DCAF13: variants seen among roughly 807,000 people sequenced by gnomAD.
DCAF13 encodes the protein DDB1 and CUL4 associated factor 13.
DCAF13 carries 38 observed loss-of-function variants against 59.0 expected under a neutral mutation model. The ratio of observed to expected loss-of-function variants is 0.64; its 90% CI spans 0.50 to 0.84. The LOEUF is 0.84. DCAF13 is among the 40% of genes least tolerant of loss of function. The probability of loss-of-function intolerance (pLI) is 0.00; values close to 1 mark genes in which losing one functional copy is unlikely to be tolerated. For synonymous variants in DCAF13, 173 were observed against 175.0 expected, an observed-to-expected ratio of 0.99 and a Z score of 0.09; for missense variants, 469 against 558.4, an observed-to-expected ratio of 0.84 and a Z score of 1.61.
In DCAF13 at chr8:103,420,980, A is replaced by C. The variant is rs753328868; in HGVS notation, c.276A>C (p.Arg92Ser). 6.2e-7 allele frequency: 1 copy of C among 1,606,090 alleles called. No homozygotes were observed. The highest frequency in any genetic ancestry group is 8.5e-7 in the Non-Finnish European group (1 of 1,172,914). ...VLSGACDGEV[R>S]IWNLTQRNCI... ...CCTGGTATGCCTTATCATAGGTTAG[A>C]ATTTGGAATCTAACTCAGCGGAATT... Residue 92 changes from arginine (R) to serine (S), a missense_variant, in exon 3 of 11, where the codon AGA becomes AGC. Around this residue, in one of 3 missense-constraint regions of DCAF13, gnomAD observed 355 missense variants for 399.1 expected, o/e 0.89. Coordinates refer to ENST00000612750, the MANE Select transcript of DCAF13 (RefSeq NM_015420.7).
At chr8:103,432,825 C>G in intron 7 of DCAF13, 84 bp downstream of exon 7, 4 of 819,416 alleles carry the variant, frequency 4.9e-6, no homozygotes, top group Non-Finnish European at 8.0e-6. Context: ...ATATATACCA[C>G]TAGGTAGGTA....
chr8:103,441,368 T>G, intron 9 of DCAF13, 87 bp from the exon 10 acceptor site: 1 of 1,285,756 alleles, frequency 7.8e-7, no homozygotes, highest in Non-Finnish European at 1.1e-6. Flanking sequence ...AAAGATTAGG[T>G]TAGGGGGAAA....
intron 5 of DCAF13, chr8:103,428,187 A>G (rs541399526): frequency 3.9e-5 from 6 of 152,296 alleles, no homozygotes; most frequent in South Asian, 4.1e-4. Flanking sequence ...GTGCGATGTG[A>G]GCTTGGCCTT....
At chr8:103,440,018 A>G in intron 8 of DCAF13, 118 bp from the exon 9 acceptor site, 1 of 762,984 alleles carries the variant, frequency 1.3e-6, no homozygotes, top group Non-Finnish European at 1.9e-6. Context: ...CAAGAATTTG[A>G]GTTTTTATTT....
At position 103,415,441 on chromosome 8, in the gene DCAF13, A is replaced by G. The variant is rs1816593572; in HGVS notation, c.-6A>G. 1 of 1,614,128 alleles carries G rather than the reference A, an allele frequency of 6.2e-7. No homozygotes were observed. Among genetic ancestry groups the G allele is most frequent in the South Asian group, 1.1e-5 (1 of 91,084 alleles). On this transcript the variant is annotated 5_prime_UTR_variant, in exon 1 of 11. Transcript: ENST00000612750. ...CTCGTGGAGTCCGGCCGGAAGAGCA[A>G]CCGAGATGAAGGTGAAGATGCTGAG...
In DCAF13 at chr8:103,432,720, C is replaced by T. The variant is rs200340920; in HGVS notation, c.764C>T (p.Thr255Ile). Residue 255 changes from threonine to isoleucine, a missense_variant, in exon 7 of 11, where the codon ACA (threonine) becomes ATA (isoleucine). By Grantham distance (89) the Thr-to-Ile change is moderately conservative. Transcript: ENST00000612750. Reference protein sequence around the residue: ...CWNPMEAFIFTAANEDYNLYT... With the variant: ...CWNPMEAFIFIAANEDYNLYT... ...AACCCTATGGAAGCTTTCATTTTTA[C>T]AGCAGCAAATGAAGATTATAAGTAA... The T allele has an allele frequency of 1.5e-4, 246 of 1,600,064 alleles. 1 individual carries two copies. The highest frequency in any genetic ancestry group is 1.0e-4 in the Admixed American group (6 of 59,892).
chr8:103,425,762 A>AT lies in DCAF13; in HGVS notation c.379-288dup, dbSNP rs1182573999. Among the ~76,000 whole-genome samples the AT allele has an allele frequency of 4.6e-5, 7 of 152,166 alleles. 1 individual carries two copies. Among genetic ancestry groups the AT allele is most frequent in the South Asian group, 4.2e-4 (2 of 4,814 alleles). On this transcript the variant is annotated intron_variant, in intron 3 of 10. Coordinates refer to ENST00000612750, the MANE Select transcript of DCAF13 (RefSeq NM_015420.7). Reference sequence around the variant, plus strand: ...ATTATAATACCATTTTTTATAATCCATTTTTTCTCCAAGTTGAAATGCCAT... The same window carrying AT: ...ATTATAATACCATTTTTTATAATCCATTTTTTTCTCCAAGTTGAAATGCCAT...
intron 1 of DCAF13, among the ~76,000 whole-genome samples, chr8:103,418,214 A>G (rs1164125103): frequency 1.3e-5 from 2 of 152,080 alleles, no homozygotes; most frequent in Non-Finnish European, 2.9e-5. Context: ...GCCCAAGTAT[A>G]AGATAATGAA....
intron 3 of DCAF13, among the ~76,000 whole-genome samples, chr8:103,421,434 G>A (rs1816721367): frequency 6.6e-6 from 1 of 152,118 alleles, no homozygotes; most frequent in Admixed American, 6.5e-5. Context: ...CCTGTGTGTG[G>A]CAAGATATCC....
intron 1 of DCAF13, 138 bp from the exon 2 acceptor site, chr8:103,420,126 T>C: frequency 1.3e-6 from 1 of 770,642 alleles, no homozygotes; most frequent in Non-Finnish European, 2.1e-6. Context: ...ACAACAGGTC[T>C]TCTACTTTTG....
chr8:103,415,509 A>T lies in DCAF13; in HGVS notation c.63A>T (p.Leu21Phe). ...DNYVRETKLD[L>F]QRVPRNYDPA... ...ATGTCCGCGAAACCAAGTTGGACTT[A>T]CAGAGAGGTAAGATAAGTTGGTAGG... Residue 21 changes from leucine (L) to phenylalanine (F), a missense_variant, in exon 1 of 11, where the codon TTA becomes TTT. By Grantham distance (22) the Leu-to-Phe change is conservative. Around this residue, in one of 3 missense-constraint regions of DCAF13, gnomAD observed 355 missense variants for 399.1 expected, o/e 0.89. Transcript: ENST00000612750. The T allele has an allele frequency of 6.2e-7, 1 of 1,609,286 alleles. No individual in the cohort carries two copies. The highest frequency in any genetic ancestry group is 8.5e-7 in the Non-Finnish European group (1 of 1,176,846).
intron 1 of DCAF13, among the ~76,000 whole-genome samples, chr8:103,417,606 C>T (rs1412057243): frequency 6.9e-6 from 1 of 144,274 alleles, no homozygotes; most frequent in Non-Finnish European, 1.5e-5. Flanking sequence ...TGCGTCACTG[C>T]ACTCCAGCCT....
rs374270704 is a variant in DCAF13 at position 103,417,284 on chromosome 8, T to C, written c.70+1768T>C. 5.3e-5 allele frequency among the ~76,000 whole-genome samples: 8 copies of C among 152,142 alleles called. No individual in the cohort carries two copies. In the East Asian group the frequency reaches 9.7e-4, roughly 18 times the overall value. On this transcript the variant is annotated intron_variant, in intron 1 of 10. Transcript: ENST00000612750. ...AATAGTAGCCATTAAAACCAAACATTGAATTAAGCTGAAATTAGAACCTTT... is the reference window on the plus strand; with the variant it reads ...AATAGTAGCCATTAAAACCAAACATCGAATTAAGCTGAAATTAGAACCTTT...
Position 103,442,976 on chromosome 8 carries a change from C to A in DCAF13, c.*94C>A. ...GTGCTGGGACTAGATTAATTGCAAA[C>A]ATTTTAGTTATATGTGTAGAGCTTT... On this transcript the variant is annotated 3_prime_UTR_variant, in exon 11 of 11. Coordinates refer to ENST00000612750, the MANE Select transcript of DCAF13 (RefSeq NM_015420.7). 1.2e-6 allele frequency: 1 copy of A among 846,046 alleles called. No homozygotes were observed. The highest frequency in any genetic ancestry group is 1.8e-6 in the Non-Finnish European group (1 of 550,728). 52.4% of individuals were successfully genotyped at this position (846,046 alleles called of 1,614,324 possible). A position where few individuals can be genotyped will look rare whatever the true frequency, so the allele number is the denominator to read the frequency against.
chr8:103,415,636 T>G (rs1816599207), intron 1 of DCAF13, 120 bp downstream of exon 1: 2 of 996,028 alleles, frequency 2.0e-6, no homozygotes, highest in African/African-American at 3.2e-5. Flanking sequence ...CTCAGTTACC[T>G]TTCGCTAAGG....
Position 103,424,906 on chromosome 8 carries a change from G to A in DCAF13, c.379-1150G>A, listed in dbSNP as rs769407655. On this transcript the variant is annotated intron_variant, in intron 3 of 10. Transcript: ENST00000612750. ...TCAGATTCATAGTTGTTAATAAGAT[G>A]TAGCCCTATTAAATACTTTTTGTCT... is the stretch of plus-strand genomic sequence containing the variant. 8.5e-5 allele frequency among the ~76,000 whole-genome samples: 13 copies of A among 152,154 alleles called. 1 individual carries two copies. Among genetic ancestry groups the A allele is most frequent in the Admixed American group, 3.9e-4 (6 of 15,262 alleles).
intron 5 of DCAF13, chr8:103,429,893 G>T (rs760844804): frequency 5.3e-5 from 8 of 151,970 alleles, no homozygotes; most frequent in Non-Finnish European, 1.2e-4. Flanking sequence ...CCATAAAATT[G>T]TTCATACCTT....
chr8:103,437,273 T>C (rs1421717411), intron 8 of DCAF13, among the ~76,000 whole-genome samples: 1 of 152,160 alleles, frequency 6.6e-6, no homozygotes, highest in African/African-American at 2.4e-5. Context: ...GAGAATATGG[T>C]CCTCCATCAT....
rs763709416 is a variant in DCAF13, at chr8:103,421,033, G to C, written c.329G>C (p.Gly110Ala). ...ATCCGTACAATACAAGCACATGAAG[G>C]CTTTGTACGAGGAATATGTACTCGC... ...NCIRTIQAHEGFVRGICTRFC... is the reference protein window; with the variant it reads ...NCIRTIQAHEAFVRGICTRFC... Residue 110 changes from glycine to alanine, a missense_variant, in exon 3 of 11, where the codon GGC becomes GCC. Transcript: ENST00000612750. 1.9e-6 allele frequency: 3 copies of C among 1,613,726 alleles called. No individual in the cohort carries two copies. The Admixed American group carries it at 5.0e-5, about 27-fold the overall frequency.
Sources: allele counts gnomAD v4.1 joint callset (sites outside exome capture counted in the v4.1 genomes callset), GRCh38; gene constraint gnomAD v4.1.1; regional missense constraint gnomAD v4.1.1; transcripts MANE v1.5; gene names NCBI Gene and HGNC (gene_info 2026-07-23, HGNC 2026-07-21).